The following DPP10 variants were observed in gnomAD, a reference collection of about 807,000 sequenced individuals.
DPP10 encodes the protein dipeptidyl peptidase like 10, also known as inactive dipeptidyl peptidase 10.
A neutral mutation model predicts 120.9 loss-of-function variants in DPP10; 33 were observed. The ratio of observed to expected loss-of-function variants is 0.27; its 90% CI spans 0.21 to 0.37. DPP10 has a LOEUF of 0.37. DPP10 is among the 10% of genes least tolerant of loss of function. DPP10 has a pLI of 1.00. For synonymous variants in DPP10, 337 were observed against 326.1 expected (o/e 1.03, Z -0.36); for missense variants, 816 against 942.8 (o/e 0.87, Z 1.76).
intron 5 of DPP10, among the ~76,000 whole-genome samples, chr2:115,560,059 C>T (rs944181325): frequency 6.6e-6 from 1 of 151,612 alleles, no homozygotes; most frequent in African/African-American, 2.4e-5. Flanking sequence ...TTGAGGTCGC[C>T]GTTCAAAGAA....
chr2:115,188,046 GGAGAGAGAGAGGCAAAGAGAGAGAGAGA>G (rs1299990666), intron 1 of DPP10, among the ~76,000 whole-genome samples: 1 of 137,812 alleles, frequency 7.3e-6, no homozygotes, highest in African/African-American at 2.8e-5. Flanking sequence ...AGAGAGAGAG[GGAGAGAGAGAGGCAAAGAGAGAGAGAGA>G]GAGAGAGAGA....
At chr2:114,497,239 A>G (rs1168482130) in intron 1 of DPP10, among the ~76,000 whole-genome samples, 6 of 142,000 alleles carry the variant, frequency 4.2e-5, no homozygotes, top group African/African-American at 1.3e-4. Context: ...ACGTGCGTAT[A>G]CATGTGTATG....
intron 5 of DPP10, among the ~76,000 whole-genome samples, chr2:115,581,943 T>C (rs1338918751): frequency 6.6e-6 from 1 of 152,210 alleles, no homozygotes. Flanking sequence ...TATTCTTGCC[T>C]TCTTTGAGGA....
intron 1 of DPP10, among the ~76,000 whole-genome samples, chr2:115,041,215 T>G (rs1202997745): frequency 6.6e-6 from 1 of 152,088 alleles, no homozygotes; most frequent in Non-Finnish European, 1.5e-5. Context: ...CTTTTCTTTA[T>G]AAATTACCCA....
At chr2:115,353,900 G>A (rs1320210926) in intron 3 of DPP10, among the ~76,000 whole-genome samples, 1 of 152,032 alleles carries the variant, frequency 6.6e-6, no homozygotes, top group East Asian at 1.9e-4. Context: ...ACATTTGACA[G>A]TGTTTATAAA....
chr2:114,451,677 T>C (rs1431260638), intron 1 of DPP10, among the ~76,000 whole-genome samples: 2 of 152,124 alleles, frequency 1.3e-5, no homozygotes, highest in Non-Finnish European at 1.5e-5. Flanking sequence ...TGCAAATGCA[T>C]ACATGGAGCT....
intron 3 of DPP10, among the ~76,000 whole-genome samples, chr2:115,391,190 A>G (rs534435795): frequency 6.6e-6 from 1 of 152,292 alleles, no homozygotes; most frequent in African/African-American, 2.4e-5. Context: ...CACTACTTGA[A>G]CATATTTAAC....
intron 1 of DPP10, among the ~76,000 whole-genome samples, chr2:115,185,839 A>G (rs2054398108): frequency 6.6e-6 from 1 of 152,210 alleles, no homozygotes; most frequent in South Asian, 2.1e-4. Context: ...GATAATCACT[A>G]TAATTTTAAA....
chr2:115,572,377 T>G (rs2081387013), intron 5 of DPP10, among the ~76,000 whole-genome samples: 1 of 152,190 alleles, frequency 6.6e-6, no homozygotes, highest in African/African-American at 2.4e-5. Flanking sequence ...AAGTTATGTT[T>G]TTCAAACTCT....
intron 19 of DPP10, among the ~76,000 whole-genome samples, chr2:115,799,534 T>G (rs1684925820): frequency 6.6e-6 from 1 of 151,690 alleles, no homozygotes; most frequent in Non-Finnish European, 1.5e-5. Flanking sequence ...GCTGCACCCA[T>G]TAACACGTCA....
At chr2:115,395,472 G>A (rs1316795533) in intron 3 of DPP10, among the ~76,000 whole-genome samples, 2 of 152,156 alleles carry the variant, frequency 1.3e-5, no homozygotes, top group Non-Finnish European at 2.9e-5. Flanking sequence ...CTCCAAAGAC[G>A]TCAATGCTAA....
intron 1 of DPP10, among the ~76,000 whole-genome samples, chr2:114,899,768 T>C (rs979144286): frequency 2.6e-5 from 4 of 152,006 alleles, no homozygotes; most frequent in Non-Finnish European, 5.9e-5. Flanking sequence ...CCATCCTGGC[T>C]AACATGGTGA....
chr2:115,089,092 C>T (rs1709024225), intron 1 of DPP10, among the ~76,000 whole-genome samples: 1 of 152,152 alleles, frequency 6.6e-6, no homozygotes, highest in Non-Finnish European at 1.5e-5. Context: ...TGCCCGCAAA[C>T]TTCTTGACAT....
chr2:114,898,722 C>T (rs998911357), intron 1 of DPP10, among the ~76,000 whole-genome samples: 5 of 152,132 alleles, frequency 3.3e-5, no homozygotes, highest in African/African-American at 1.2e-4. Flanking sequence ...TTTCACTTTT[C>T]AATAGCTGAT....
At chr2:114,747,807 A>G (rs1220644533) in intron 1 of DPP10, among the ~76,000 whole-genome samples, 1 of 152,128 alleles carries the variant, frequency 6.6e-6, no homozygotes, top group African/African-American at 2.4e-5. Context: ...TGAACTTTGC[A>G]CTTCTGTTCT....
intron 1 of DPP10, among the ~76,000 whole-genome samples, chr2:114,963,323 G>T (rs948811547): frequency 1.3e-5 from 2 of 152,116 alleles, no homozygotes; most frequent in Non-Finnish European, 2.9e-5. Context: ...ACAAATGTCA[G>T]TATCTGTCAA....
intron 1 of DPP10, among the ~76,000 whole-genome samples, chr2:115,247,049 TA>T (rs1232784350): frequency 6.6e-6 from 1 of 152,140 alleles, no homozygotes; most frequent in South Asian, 2.1e-4. Context: ...TCAAAAATGA[TA>T]AAATGAGGAG....
chr2:114,624,272 C>A (rs1694318493), intron 1 of DPP10, among the ~76,000 whole-genome samples: 1 of 151,864 alleles, frequency 6.6e-6, no homozygotes, highest in Admixed American at 6.6e-5. Context: ...GGTCAAAATT[C>A]TAGAGCCACA....
At chr2:115,466,189 A>T (rs1055122331) in intron 3 of DPP10, among the ~76,000 whole-genome samples, 5 of 152,226 alleles carry the variant, frequency 3.3e-5, no homozygotes, top group Non-Finnish European at 5.9e-5. Context: ...ACCAATCCAG[A>T]GAAATCCTGT....
Sources: allele counts gnomAD v4.1 joint callset (sites outside exome capture counted in the v4.1 genomes callset), GRCh38; gene constraint gnomAD v4.1.1; transcripts MANE v1.5; gene names NCBI Gene and HGNC (gene_info 2026-07-23, HGNC 2026-07-21).